Variants in MARK3 observed in about 807,000 individuals in gnomAD.
MARK3 encodes the protein MAP/microtubule affinity-regulating kinase 3.
A neutral mutation model predicts 90.1 loss-of-function variants in MARK3; 46 were observed. The ratio of observed to expected loss-of-function variants is 0.51; its 90% CI spans 0.40 to 0.65. The LOEUF is 0.65. MARK3 is among the 30% of genes least tolerant of loss of function. The pLI is 0.00. For synonymous variants in MARK3, 321 were observed against 332.6 expected (o/e 0.97, Z 0.38); for missense variants, 818 against 947.2 (o/e 0.86, Z 1.79).
chr14:103,434,570 C>T (rs1480696925), intron 3 of MARK3, among the ~76,000 whole-genome samples: 3 of 152,294 alleles, frequency 2.0e-5, no homozygotes, highest in South Asian at 2.1e-4. Flanking sequence ...CGTCCTGGTT[C>T]GCAGTTTGAA....
At chr14:103,440,935 TA>T (rs35047818) in intron 3 of MARK3, among the ~76,000 whole-genome samples, 53 of 130,802 alleles carry the variant, frequency 4.1e-4, no homozygotes, top group Non-Finnish European at 4.5e-4. Flanking sequence ...GAGCCCCTCT[TA>T]AAAAAAAAAA....
chr14:103,424,727 A>C (rs1446906021), intron 2 of MARK3, among the ~76,000 whole-genome samples: 1 of 152,188 alleles, frequency 6.6e-6, no homozygotes. Flanking sequence ...GGAGGCCAGA[A>C]AAGAGTGTGT....
chr14:103,487,225 A>G (rs1413839212), intron 14 of MARK3, among the ~76,000 whole-genome samples: 1 of 151,108 alleles, frequency 6.6e-6, no homozygotes, highest in East Asian at 2.0e-4. Flanking sequence ...CCTCAAGTTA[A>G]TAATTTATAA....
chr14:103,465,422 A>G (rs769353510), intron 7 of MARK3, 135 bp from the exon 8 acceptor site: 9 of 626,466 alleles, frequency 1.4e-5, no homozygotes, highest in Non-Finnish European at 2.2e-5. Flanking sequence ...TTTTTTCTCT[A>G]GAAAGAATGT....
chr14:103,445,888 G>T (rs1024903675), intron 3 of MARK3, among the ~76,000 whole-genome samples: 1 of 152,240 alleles, frequency 6.6e-6, no homozygotes, highest in Non-Finnish European at 1.5e-5. Flanking sequence ...TGCTGCGGAG[G>T]ATTTAAAAGC....
chr14:103,436,338 A>G (rs892551886), intron 3 of MARK3, among the ~76,000 whole-genome samples: 2 of 151,022 alleles, frequency 1.3e-5, no homozygotes, highest in African/African-American at 2.4e-5. Flanking sequence ...TCCTTTCTCT[A>G]TTGGGTGAAG....
At chr14:103,415,757 T>C (rs763762721) in intron 2 of MARK3, among the ~76,000 whole-genome samples, 1 of 152,252 alleles carries the variant, frequency 6.6e-6, no homozygotes, top group Non-Finnish European at 1.5e-5. Flanking sequence ...TTTCCTAAAG[T>C]AATGCATGCA....
chr14:103,412,278 C>T, intron 2 of MARK3: 1 of 665,750 alleles, frequency 1.5e-6, no homozygotes, highest in Non-Finnish European at 2.6e-6. Context: ...ACAGCCACAG[C>T]CAAACATAAC....
At chr14:103,461,267 G>A (rs1478145821) in intron 6 of MARK3, among the ~76,000 whole-genome samples, 2 of 152,168 alleles carry the variant, frequency 1.3e-5, no homozygotes, top group Non-Finnish European at 2.9e-5. Context: ...AGCAAGACAT[G>A]TTACCTCTGC....
chr14:103,407,659 C>G (rs1307650117), intron 2 of MARK3, among the ~76,000 whole-genome samples: 2 of 137,354 alleles, frequency 1.5e-5, no homozygotes, highest in African/African-American at 5.4e-5. Context: ...CTCCTGGGTT[C>G]AAGCAATTCT....
intron 1 of MARK3, among the ~76,000 whole-genome samples, chr14:103,399,429 G>A (rs1405812562): frequency 2.0e-5 from 3 of 152,128 alleles, no homozygotes; most frequent in African/African-American, 7.2e-5. Context: ...GAAATTTGGG[G>A]TAGGGTGCGG....
chr14:103,455,627 C>A (rs2093259787), intron 5 of MARK3, among the ~76,000 whole-genome samples: 1 of 150,666 alleles, frequency 6.6e-6, no homozygotes. Flanking sequence ...ACTCAGGAGG[C>A]TGAGGCACGA....
At chr14:103,484,163 C>CTTTTTTTTTTTTTTTTTTT (rs34512580) in intron 14 of MARK3, among the ~76,000 whole-genome samples, 1 of 146,282 alleles carries the variant, frequency 6.8e-6, no homozygotes. Context: ...AGAATCTTTT[C>CTTTTTTTTTTTTTTTTTTT]TTTTTTTTTT....
intron 3 of MARK3, among the ~76,000 whole-genome samples, chr14:103,443,152 A>G (rs528412578): frequency 6.6e-6 from 1 of 152,352 alleles, no homozygotes; most frequent in South Asian, 2.1e-4. Flanking sequence ...CTAGGAAAAC[A>G]TGACTTACCA....
chr14:103,430,219 G>A (rs560018177), intron 3 of MARK3, among the ~76,000 whole-genome samples: 64 of 152,228 alleles, frequency 4.2e-4, no homozygotes, highest in African/African-American at 1.4e-3. Context: ...TCTATCCCAA[G>A]TTAAATAACT....
chr14:103,439,054 T>C (rs540275691), intron 3 of MARK3, among the ~76,000 whole-genome samples: 2 of 152,142 alleles, frequency 1.3e-5, no homozygotes, highest in African/African-American at 2.4e-5. Flanking sequence ...GAAAACTGAT[T>C]TGTTGTATTA....
intron 15 of MARK3, among the ~76,000 whole-genome samples, chr14:103,494,643 TC>T (rs2075232900): frequency 6.6e-6 from 1 of 151,298 alleles, no homozygotes; most frequent in South Asian, 2.1e-4. Flanking sequence ...ATCAGCTACC[TC>T]TTTTTTTTTC....
chr14:103,473,002 G>A (rs886596386), intron 12 of MARK3, among the ~76,000 whole-genome samples: 4 of 140,590 alleles, frequency 2.8e-5, no homozygotes, highest in Non-Finnish European at 4.8e-5. Flanking sequence ...GCGAGACTCC[G>A]TCTCGAAAAA....
At chr14:103,465,479 T>A in intron 7 of MARK3, 78 bp from the exon 8 acceptor site, 1 of 987,044 alleles carries the variant, frequency 1.0e-6, no homozygotes. Flanking sequence ...AGAAAGCTTT[T>A]CTAAAATGCC....
Sources: allele counts gnomAD v4.1 joint callset (sites outside exome capture counted in the v4.1 genomes callset), GRCh38; gene constraint gnomAD v4.1.1; transcripts MANE v1.5; gene names NCBI Gene and HGNC (gene_info 2026-07-23, HGNC 2026-07-21).